The following NBAS variants were observed in gnomAD, a reference collection of about 807,000 sequenced individuals.
NBAS encodes NBAS subunit of NRZ tethering complex, also known as NAG/BC035112 fusion.
NBAS carries 219 observed loss-of-function variants against 302.5 expected under a neutral mutation model. The ratio of observed to expected loss-of-function variants is 0.72; its 90% CI spans 0.65 to 0.81. NBAS has a LOEUF of 0.81. Among genes scored for constraint, NBAS ranks in the 30% least tolerant of loss-of-function variants. The pLI is 0.00. For missense variants in NBAS, 2,932 were observed against 2,841.6 expected, an observed-to-expected ratio of 1.03 and a Z score of -0.72; for synonymous variants, 1,118 against 1,021.6, an observed-to-expected ratio of 1.09 and a Z score of -1.80.
the NBAS span, among the ~76,000 whole-genome samples, chr2:15,093,602 G>A: frequency 2.6e-5 from 4 of 152,180 alleles, no homozygotes; most frequent in African/African-American, 7.2e-5. Context: ...TAGGAAATTC[G>A]CCAGCAATGT....
At chr2:15,454,428 T>C (rs548055349) in intron 21 of NBAS, among the ~76,000 whole-genome samples, 7 of 152,284 alleles carry the variant, frequency 4.6e-5, no homozygotes, top group South Asian at 4.1e-4. Flanking sequence ...TAAATCCAAA[T>C]AAATCTGTAG....
At chr2:15,106,207 C>T in the NBAS span, among the ~76,000 whole-genome samples, 194 of 151,806 alleles carry the variant, frequency 1.3e-3, no homozygotes, top group African/African-American at 4.3e-3. Flanking sequence ...GGAGCTGTGC[C>T]TTAGGAGAGC....
intron 35 of NBAS, among the ~76,000 whole-genome samples, chr2:15,349,390 T>C (rs184593527): frequency 2.3e-4 from 35 of 151,958 alleles, no homozygotes; most frequent in African/African-American, 8.4e-4. Flanking sequence ...TCACATCCAA[T>C]GAGGGAAAAC....
chr2:15,030,244 G>A, the NBAS span, among the ~76,000 whole-genome samples: 25 of 152,284 alleles, frequency 1.6e-4, 1 homozygote, highest in East Asian at 3.7e-3. Flanking sequence ...TGAAAAAACA[G>A]GACACATTCC....
At chr2:15,345,549 A>C (rs1673050181) in intron 35 of NBAS, among the ~76,000 whole-genome samples, 1 of 152,240 alleles carries the variant, frequency 6.6e-6, no homozygotes, top group African/African-American at 2.4e-5. Context: ...GGATAGGAAG[A>C]ATCAATGTAT....
the NBAS span, among the ~76,000 whole-genome samples, chr2:15,142,879 A>G: frequency 6.6e-6 from 1 of 152,356 alleles, no homozygotes; most frequent in South Asian, 2.1e-4. Flanking sequence ...TTGAAACGTT[A>G]AAAGAAACAT....
At chr2:14,945,430 GAAAC>G in the NBAS span, among the ~76,000 whole-genome samples, 1 of 152,096 alleles carries the variant, frequency 6.6e-6, no homozygotes, top group African/African-American at 2.4e-5. Flanking sequence ...ATCTCCCAAA[GAAAC>G]AAAGCAAGGA....
At chr2:14,844,492 G>C in the NBAS span, among the ~76,000 whole-genome samples, 1 of 152,216 alleles carries the variant, frequency 6.6e-6, no homozygotes, top group South Asian at 2.1e-4. Flanking sequence ...TAGCTATGAG[G>C]AGATATCCTT....
the NBAS span, among the ~76,000 whole-genome samples, chr2:14,909,366 T>TAAAAA: frequency 6.0e-3 from 470 of 78,482 alleles, 28 homozygotes; most frequent in African/African-American, 0.024. Flanking sequence ...GGAGAGTTTC[T>TAAAAA]AAAAAAAAAA....
chr2:14,889,902 C>A, the NBAS span, among the ~76,000 whole-genome samples: 4 of 152,288 alleles, frequency 2.6e-5, no homozygotes, highest in East Asian at 1.9e-4. Flanking sequence ...TAATCACATA[C>A]ACATATTCAT....
chr2:15,373,721 T>C (rs1442860157), intron 31 of NBAS, among the ~76,000 whole-genome samples: 1 of 152,188 alleles, frequency 6.6e-6, no homozygotes, highest in African/African-American at 2.4e-5. Context: ...TACTGGCTCA[T>C]ATCTCTAAAA....
At chr2:15,557,526 C>T (rs894688482) in intron 2 of NBAS, among the ~76,000 whole-genome samples, 2 of 152,062 alleles carry the variant, frequency 1.3e-5, no homozygotes, top group Non-Finnish European at 2.9e-5. Context: ...ACTGAATATG[C>T]TAGTGCTTCT....
chr2:15,344,172 T>A (rs1016381608), intron 35 of NBAS, among the ~76,000 whole-genome samples: 4 of 150,976 alleles, frequency 2.6e-5, no homozygotes, highest in Non-Finnish European at 4.4e-5. Flanking sequence ...GATATAAATA[T>A]CAAACAAATA....
chr2:14,804,091 G>T, the NBAS span, among the ~76,000 whole-genome samples: 1 of 152,124 alleles, frequency 6.6e-6, no homozygotes, highest in African/African-American at 2.4e-5. Context: ...TTGCTAAAAT[G>T]TATTTGTAAC....
the NBAS span, among the ~76,000 whole-genome samples, chr2:14,976,297 C>T: frequency 6.6e-6 from 1 of 152,184 alleles, no homozygotes; most frequent in Admixed American, 6.5e-5. Flanking sequence ...AGTTAGCCAG[C>T]ATTTGCAGGC....
the NBAS span, among the ~76,000 whole-genome samples, chr2:14,862,865 G>A: frequency 1.2e-4 from 18 of 152,218 alleles, no homozygotes; most frequent in Admixed American, 9.2e-4. Flanking sequence ...GGTAATTCAG[G>A]GACTCAGGTT....
intron 21 of NBAS, among the ~76,000 whole-genome samples, chr2:15,454,651 CA>C (rs1424297016): frequency 6.6e-6 from 1 of 152,170 alleles, no homozygotes; most frequent in Non-Finnish European, 1.5e-5. Flanking sequence ...TGTGCATGTA[CA>C]TTCCTCAAAC....
At chr2:15,201,009 T>C (rs534109946) in intron 48 of NBAS, among the ~76,000 whole-genome samples, 1 of 152,322 alleles carries the variant, frequency 6.6e-6, no homozygotes, top group South Asian at 2.1e-4. Context: ...GATTTACAAA[T>C]ATGAAGAGAA....
chr2:15,010,620 A>T, the NBAS span, among the ~76,000 whole-genome samples: 4 of 152,346 alleles, frequency 2.6e-5, no homozygotes, highest in Admixed American at 2.6e-4. Context: ...ATTTCCCAGT[A>T]ACCATGTGAA....
Sources: allele counts gnomAD v4.1 joint callset (sites outside exome capture counted in the v4.1 genomes callset), GRCh38; gene constraint gnomAD v4.1.1; transcripts MANE v1.5; gene names NCBI Gene and HGNC (gene_info 2026-07-23, HGNC 2026-07-21).